The following DDX56 variants were observed in gnomAD, a reference collection of about 807,000 sequenced individuals.
The protein encoded by DDX56 is probable ATP-dependent RNA helicase DDX56.
A neutral mutation model predicts 61.5 loss-of-function variants in DDX56; 45 were observed. The observed-to-expected ratio is 0.73, with a 90% CI of 0.58 to 0.94. The LOEUF is 0.94. Ranked by LOEUF, DDX56 falls within the 40% of genes least tolerant of loss-of-function variation. The pLI, the probability that DDX56 is intolerant of heterozygous loss-of-function variation, is 0.00. For synonymous variants in DDX56, 273 were observed against 268.3 expected, an observed-to-expected ratio of 1.02 and a Z score of -0.17; for missense variants, 708 against 690.7, an observed-to-expected ratio of 1.02 and a Z score of -0.28.
intron 9 of DDX56, among the ~76,000 whole-genome samples, chr7:44,569,496 A>G (rs1167188423): frequency 6.6e-6 from 1 of 152,086 alleles, no homozygotes; most frequent in East Asian, 1.9e-4. Flanking sequence ...AGGTACCCCC[A>G]TGACGACGGC....
At position 44,567,913 on chromosome 7, in the gene DDX56, A is replaced by T. The variant is rs75150153; in HGVS notation, c.1489+205T>A. On this transcript the variant is annotated intron_variant, in intron 12 of 13. Transcript: ENST00000258772. ...CAATTTCCTCATCTCTAAAATGGAG[A>T]CAGCAACAGCTAACCCGTGGGACCA... 7.3e-4 allele frequency: 438 copies of T among 596,444 alleles called. No homozygotes were observed. In the African/African-American group the frequency reaches 7.5e-3, roughly 10 times the overall value. The allele number at this position is 596,444 out of a possible 1,614,324, so 36.9% of individuals were successfully genotyped here. A position where few individuals can be genotyped will look rare whatever the true frequency, so the allele number is the denominator to read the frequency against.
intron 5 of DDX56, 84 bp from the exon 6 acceptor site, chr7:44,571,820 A>G: frequency 6.4e-7 from 1 of 1,551,508 alleles, no homozygotes. Flanking sequence ...AAGCATCAAC[A>G]TTTTAGTGCA....
Position 44,572,914 on chromosome 7 carries a change from G to T in DDX56, c.359C>A (p.Ala120Asp), listed in dbSNP as rs761290969. ...CCTCTGAGAGACTGAGTCTTCAGCA[G>T]CTGAGACATTGGCCACTCGGACATC... is the stretch of plus-strand genomic sequence containing the variant. ...ARDVRVANVS[A>D]AEDSVSQRAV... is the part of the protein sequence containing the mutation. The change falls in exon 3 of 14, where the codon GCT becomes GAT. Residue 120 changes from alanine to aspartate, a missense_variant. Ala to Asp is a moderately radical substitution (Grantham distance 126). Transcript: ENST00000258772. 107 of 1,600,506 alleles carry T rather than the reference G, an allele frequency of 6.7e-5. No individual in the cohort carries two copies. Among genetic ancestry groups the T allele is most frequent in the Non-Finnish European group, 8.8e-5 (103 of 1,172,462 alleles).
In DDX56 at chr7:44,568,899, T is replaced by C. The variant is rs778809871; in HGVS notation, c.1383+4A>G. 4.1e-5 allele frequency: 66 copies of C among 1,612,122 alleles called. No individual in the cohort carries two copies. The highest frequency in any genetic ancestry group is 5.5e-5 in the Non-Finnish European group (65 of 1,178,420). ...TATCCCCTTCTCACCTCCCATCCAC[T>C]CACCTTAAGCTTCTCAGAATGCAGA... On this transcript the variant is annotated splice_donor_region_variant and intron_variant, in intron 11 of 13. Coordinates refer to ENST00000258772, the MANE Select transcript of DDX56 (RefSeq NM_019082.4).
At chr7:44,568,681 C>T (rs984113096) in intron 11 of DDX56, among the ~76,000 whole-genome samples, 3 of 151,960 alleles carry the variant, frequency 2.0e-5, no homozygotes, top group Non-Finnish European at 1.5e-5. Context: ...GACACATGAG[C>T]TCGTAATTCT....
At chr7:44,566,177 C>T in intron 13 of DDX56, 98 bp from the exon 14 acceptor site, 3 of 748,998 alleles carry the variant, frequency 4.0e-6, no homozygotes, top group Non-Finnish European at 6.3e-6. Flanking sequence ...GGGAGCCGTG[C>T]CGGCAACTGG....
intron 10 of DDX56, 21 bp downstream of exon 10, chr7:44,569,109 C>T: frequency 1.2e-6 from 2 of 1,613,974 alleles, no homozygotes; most frequent in Non-Finnish European, 8.5e-7. Context: ...TCTCATTCCC[C>T]TCCCCACCAC....
In DDX56 at chr7:44,573,829, C is replaced by G. The variant is rs376592620; in HGVS notation, c.60+7G>C. 3.7e-5 allele frequency: 60 copies of G among 1,613,244 alleles called. No individual in the cohort carries two copies. The highest frequency in any genetic ancestry group is 1.6e-4 in the Middle Eastern group (1 of 6,084). ...CCGTAAGCCGGCTCCCCAGCCCTCG[C>G]GTGTACCTGAAGGAGCCGGGGATCG... On this transcript the variant is annotated splice_region_variant and intron_variant, in intron 1 of 13. Coordinates refer to ENST00000258772, the MANE Select transcript of DDX56 (RefSeq NM_019082.4).
At position 44,573,040 on chromosome 7, in the gene DDX56, AC is replaced by A. The variant is rs1353137057; in HGVS notation, c.232del (p.Val78TrpfsTer2). 6.3e-6 allele frequency: 10 copies of A among 1,582,138 alleles called. No homozygotes were observed. The highest frequency in any genetic ancestry group is 3.5e-5 in the South Asian group (3 of 86,588). ...LLLHRKATGP[V>X]VEQAVRGLVL... ...AAGGCCTCTCACTGCCTGTTCTACCACCGGACCTGTCTGTAAGAATATGAAT... is the reference window on the plus strand; with the variant it reads ...AAGGCCTCTCACTGCCTGTTCTACCACGGACCTGTCTGTAAGAATATGAAT... On this transcript the variant is annotated frameshift_variant, in exon 3 of 14. Transcript: ENST00000258772. LOFTEE classifies it high-confidence loss of function.
rs1802715296 is a variant in DDX56 at position 44,572,965 on chromosome 7, T to C, written c.308A>G (p.Gln103Arg). 1.9e-6 allele frequency: 3 copies of C among 1,613,358 alleles called. No homozygotes were observed. The highest frequency in any genetic ancestry group is 8.5e-7 in the Non-Finnish European group (1 of 1,179,574). Residue 103 changes from glutamine to arginine, a missense_variant, in exon 3 of 14, where the codon CAG becomes CGG. Gln to Arg is a conservative substitution (Grantham distance 43). Coordinates refer to ENST00000258772, the MANE Select transcript of DDX56 (RefSeq NM_019082.4). ...CCGAGCACAGTAGGTAGCCAGCTGC[T>C]GAATCATGGACTGTGCTTGCCGTGC... ...ELARQAQSMI[Q>R]QLATYCARDV...
In DDX56 at chr7:44,569,006, C is replaced by T. The variant is rs923568201; in HGVS notation, c.1294-14G>A. On this transcript the variant is annotated splice_polypyrimidine_tract_variant and intron_variant, in intron 10 of 13. Coordinates refer to ENST00000258772, the MANE Select transcript of DDX56 (RefSeq NM_019082.4). ...GCGCATGGCATCCTGGGGGTGGACA[C>T]TGAAGGTCAAGACAGTGAGGCTGCC... The T allele has an allele frequency of 7.4e-6, 12 of 1,613,870 alleles. No homozygotes were observed. The highest frequency in any genetic ancestry group is 1.3e-5 in the African/African-American group (1 of 74,940).
chr7:44,569,084 C>A, intron 10 of DDX56, 46 bp downstream of exon 10: 1 of 1,612,632 alleles, frequency 6.2e-7, no homozygotes, highest in Non-Finnish European at 8.5e-7. Flanking sequence ...AATCCCTGGG[C>A]CACAGCCCCT....
intron 6 of DDX56, 78 bp from the exon 7 acceptor site, chr7:44,570,955 A>G (rs780645709): frequency 6.7e-6 from 10 of 1,501,266 alleles, no homozygotes; most frequent in Non-Finnish European, 9.0e-6. Flanking sequence ...TATCACAGTA[A>G]CCATCACCCT....
intron 12 of DDX56, among the ~76,000 whole-genome samples, chr7:44,567,441 A>G (rs1313021721): frequency 6.6e-6 from 1 of 151,988 alleles, no homozygotes; most frequent in East Asian, 1.9e-4. Context: ...AGTCACACAT[A>G]CTCATTACCA....
intron 12 of DDX56, 98 bp downstream of exon 12, chr7:44,568,020 A>C (rs1459954755): frequency 2.1e-6 from 2 of 942,504 alleles, no homozygotes; most frequent in Non-Finnish European, 3.4e-6. Context: ...ATTCTGCCTG[A>C]GCATCCCCAG....
Position 44,570,145 on chromosome 7 carries a change from A to G in DDX56, c.1011-17T>C, listed in dbSNP as rs1254457824. The G allele has an allele frequency of 6.2e-7, 1 of 1,613,052 alleles. No homozygotes were observed. The highest frequency in any genetic ancestry group is 1.1e-5 in the South Asian group (1 of 90,976). On this transcript the variant is annotated splice_polypyrimidine_tract_variant and intron_variant, in intron 7 of 13. Transcript: ENST00000258772. ...TCAGAGGCCCTGCAGAGATAACTCA[A>G]TGTCAGCCGGACCCTTCCTCTCCTC...
At chr7:44,572,268 G>T in intron 5 of DDX56, 79 bp downstream of exon 5, 2 of 1,248,666 alleles carry the variant, frequency 1.6e-6, no homozygotes, top group Non-Finnish European at 2.3e-6. Context: ...AAACACCAAA[G>T]AATCCCCTAA....
chr7:44,572,297 T>C, intron 5 of DDX56, 50 bp downstream of exon 5: 2 of 1,494,752 alleles, frequency 1.3e-6, no homozygotes, highest in Non-Finnish European at 1.9e-6. Flanking sequence ...ATCAAGATCT[T>C]TGAGTGCCCC....
At chr7:44,571,250 G>T (rs904356218) in intron 6 of DDX56, among the ~76,000 whole-genome samples, 1 of 152,156 alleles carries the variant, frequency 6.6e-6, no homozygotes, top group African/African-American at 2.4e-5. Context: ...TGCTGGCCAG[G>T]CTGGTCTTGA....
Sources: allele counts gnomAD v4.1 joint callset (sites outside exome capture counted in the v4.1 genomes callset), GRCh38; gene constraint gnomAD v4.1.1; transcripts MANE v1.5; gene names NCBI Gene and HGNC (gene_info 2026-07-23, HGNC 2026-07-21).